TMEM232: variants seen among roughly 807,000 people sequenced by gnomAD.
TMEM232 encodes the protein transmembrane protein 232.
TMEM232 carries 80 observed loss-of-function variants against 78.8 expected under a neutral mutation model. The observed-to-expected ratio is 1.01, with a 90% confidence interval of 0.85 to 1.22. TMEM232 has a LOEUF of 1.22. Among genes scored for constraint, TMEM232 ranks in the 50% most tolerant of loss-of-function variants. TMEM232 has a pLI of 0.00. For synonymous variants in TMEM232, 297 were observed against 254.3 expected (o/e 1.17, Z -1.60); for missense variants, 881 against 742.2 (o/e 1.19, Z -2.17).
chr5:110,494,648 A>C (rs898073955), intron 12 of TMEM232, among the ~76,000 whole-genome samples: 3 of 152,138 alleles, frequency 2.0e-5, no homozygotes, highest in Admixed American at 2.0e-4. Flanking sequence ...TCTGTATAAA[A>C]GCATTCATCA....
chr5:110,731,259 G>A (rs774764425), upstream of TMEM232, among the ~76,000 whole-genome samples: 3 of 152,226 alleles, frequency 2.0e-5, no homozygotes, highest in Non-Finnish European at 4.4e-5. Context: ...TCATGGGCTA[G>A]CATTGAATGT....
chr5:110,636,811 T>C (rs552491482), intron 5 of TMEM232, among the ~76,000 whole-genome samples: 1 of 152,224 alleles, frequency 6.6e-6, no homozygotes, highest in African/African-American at 2.4e-5. Context: ...TATCATTGTG[T>C]AAGGCACATA....
downstream of TMEM232, among the ~76,000 whole-genome samples, chr5:110,417,348 C>A (rs1756259794): frequency 6.6e-6 from 1 of 152,094 alleles, no homozygotes. Context: ...AATGGGAAAA[C>A]AACTAAGGCT....
At chr5:110,421,266 CATG>C (rs1756612089) in intron 13 of TMEM232, among the ~76,000 whole-genome samples, 1 of 151,792 alleles carries the variant, frequency 6.6e-6, no homozygotes, top group Admixed American at 6.6e-5. Flanking sequence ...CTTAATTGGC[CATG>C]ATAATTTTTT....
chr5:110,676,439 A>C (rs1172723051), intron 1 of TMEM232, among the ~76,000 whole-genome samples: 1 of 150,618 alleles, frequency 6.6e-6, no homozygotes, highest in African/African-American at 2.5e-5. Flanking sequence ...TCTGTCACCC[A>C]GGCTGGAGTG....
upstream of TMEM232, among the ~76,000 whole-genome samples, chr5:110,727,966 G>A (rs1798319829): frequency 6.6e-6 from 1 of 152,066 alleles, no homozygotes; most frequent in Non-Finnish European, 1.5e-5. Flanking sequence ...TAGCCTGGGG[G>A]CTTGCTTGTT....
chr5:110,659,719 C>T (rs1318250733), intron 2 of TMEM232, among the ~76,000 whole-genome samples: 5 of 151,960 alleles, frequency 3.3e-5, no homozygotes, highest in South Asian at 4.1e-4. Context: ...GAACCAGAAA[C>T]GTTAAGTCTA....
At position 110,420,609 on chromosome 5, in the gene TMEM232, C is replaced by T; in HGVS notation, c.1945G>A (p.Glu649Lys). Residue 649 changes from glutamate to lysine, a missense_variant, in exon 14 of 14, where the codon GAA (glutamate) becomes AAA (lysine). Physicochemically the swap from Glu to Lys is moderately conservative, Grantham distance 56. Transcript: ENST00000455884. ...ATTACTTCCTTCCTATAAGGAAGTTCATAGGGCTTGGTTTGCTTATGTAGT... is the reference window on the plus strand; with the variant it reads ...ATTACTTCCTTCCTATAAGGAAGTTTATAGGGCTTGGTTTGCTTATGTAGT... ...EKLHKQTKPYELPYRKEVI is the reference protein window; with the variant it reads ...EKLHKQTKPYKLPYRKEVI The T allele has an allele frequency of 6.7e-7, 1 of 1,489,892 alleles. No homozygotes were observed. The highest frequency in any genetic ancestry group is 8.8e-7 in the Non-Finnish European group (1 of 1,132,756). 92.3% of individuals were successfully genotyped at this position (1,489,892 alleles called of 1,614,324 possible). A position where few individuals can be genotyped will look rare whatever the true frequency, so the allele number is the denominator to read the frequency against.
At chr5:110,489,471 G>C (rs1041659454) in intron 12 of TMEM232, among the ~76,000 whole-genome samples, 9 of 151,994 alleles carry the variant, frequency 5.9e-5, no homozygotes, top group African/African-American at 2.2e-4. Flanking sequence ...TATAATAAGA[G>C]AACACTTATC....
chr5:110,720,273 G>T (rs1438849795), intron 1 of TMEM232, among the ~76,000 whole-genome samples: 1 of 152,026 alleles, frequency 6.6e-6, no homozygotes, highest in East Asian at 1.9e-4. Context: ...GGAAATTAGG[G>T]TATCAATATT....
Position 110,494,363 on chromosome 5 carries a change from A to G in TMEM232, c.1703+34225T>C, listed in dbSNP as rs752352187. Among the ~76,000 whole-genome samples the G allele has an allele frequency of 3.3e-5, 5 of 152,292 alleles. No individual in the cohort carries two copies. In the South Asian group the frequency reaches 1.0e-3, roughly 32 times the overall value. On this transcript the variant is annotated intron_variant, in intron 12 of 13. Transcript: ENST00000455884. Reference sequence around the variant, plus strand: ...ACAATAGGGAAATAAGTATATGAAAATAATGAAACCCATTAAAAAATCATT... The same window carrying G: ...ACAATAGGGAAATAAGTATATGAAAGTAATGAAACCCATTAAAAAATCATT...
intron 8 of TMEM232, chr5:110,618,097 T>C (rs1232694740): frequency 1.3e-5 from 3 of 233,956 alleles, no homozygotes; most frequent in Admixed American, 1.2e-4. Flanking sequence ...AACAATATAT[T>C]GTGTTTCACT....
In TMEM232 at chr5:110,420,418, A is replaced by G; in HGVS notation, c.*162T>C. 1 of 511,860 alleles carries G rather than the reference A, an allele frequency of 2.0e-6. No individual in the cohort carries two copies. Among genetic ancestry groups the G allele is most frequent in the Non-Finnish European group, 3.3e-6 (1 of 305,926 alleles). 31.7% of individuals were successfully genotyped at this position (511,860 alleles called of 1,614,324 possible). ...ATTAATTTAGAACTAAGAAATAACT[A>G]TTAAACAAACAGCTTGTATCAGGAA... On this transcript the variant is annotated 3_prime_UTR_variant, in exon 14 of 14. Transcript: ENST00000455884.
intron 12 of TMEM232, among the ~76,000 whole-genome samples, chr5:110,458,545 G>T (rs1019843961): frequency 2.6e-5 from 4 of 152,088 alleles, no homozygotes; most frequent in Admixed American, 6.6e-5. Context: ...GGTGCTGGCT[G>T]AAACTACGGC....
chr5:110,687,152 G>A (rs1381326549), intron 1 of TMEM232, among the ~76,000 whole-genome samples: 1 of 152,090 alleles, frequency 6.6e-6, no homozygotes, highest in Non-Finnish European at 1.5e-5. Flanking sequence ...AGGGGAGTTT[G>A]AATAGTGCTG....
upstream of TMEM232, chr5:110,738,862 C>A: frequency 1.3e-6 from 1 of 771,442 alleles, no homozygotes; most frequent in Non-Finnish European, 2.0e-6. Context: ...ACCATATTCC[C>A]ACCTATTCCC....
chr5:110,681,122 T>G (rs944209391), intron 1 of TMEM232, among the ~76,000 whole-genome samples: 1 of 152,126 alleles, frequency 6.6e-6, no homozygotes, highest in Non-Finnish European at 1.5e-5. Context: ...GTGCAGTTCA[T>G]AAAAGCCAGG....
chr5:110,632,338 G>GA (rs112117919), intron 5 of TMEM232, among the ~76,000 whole-genome samples: 6,850 of 148,924 alleles, frequency 0.046, 459 homozygotes, highest in African/African-American at 0.15. Context: ...AAGGAAACAT[G>GA]AAAAAAAAAC....
At chr5:110,672,564 C>G (rs1385234096) in intron 1 of TMEM232, among the ~76,000 whole-genome samples, 1 of 151,806 alleles carries the variant, frequency 6.6e-6, no homozygotes, top group Non-Finnish European at 1.5e-5. Flanking sequence ...CTTCAAATTT[C>G]CAAAAAGAAA....
Sources: gnomAD v4.1 joint callset for allele counts (sites outside exome capture counted in the v4.1 genomes callset) on GRCh38, gnomAD v4.1.1 for gene constraint, MANE v1.5 for transcripts, NCBI Gene and HGNC (gene_info 2026-07-23, HGNC 2026-07-21) for gene names.